Variants in PDE4DIP observed in about 807,000 individuals in gnomAD.
PDE4DIP encodes myomegalin.
PDE4DIP carries 59 observed loss-of-function variants against 221.4 expected under a neutral mutation model. That is an observed-to-expected ratio of 0.27 (90% CI 0.22 to 0.33). PDE4DIP has a LOEUF of 0.33. Among genes scored for constraint, PDE4DIP ranks in the 10% least tolerant of loss-of-function variants. The pLI is 1.00. For synonymous variants in PDE4DIP, 404 were observed against 815.9 expected (o/e 0.50, Z 8.60); for missense variants, 1,036 against 2,154.2 (o/e 0.48, Z 10.28).
At chr1:148,927,149 T>A (rs2046897590) in intron 1 of PDE4DIP, among the ~76,000 whole-genome samples, 1 of 151,724 alleles carries the variant, frequency 6.6e-6, no homozygotes, top group Admixed American at 6.6e-5. Flanking sequence ...CTTATATTTT[T>A]ATTTGCTAAA....
At chr1:148,816,309 G>A (rs12058590) in intron 1 of PDE4DIP, among the ~76,000 whole-genome samples, 1 of 151,902 alleles carries the variant, frequency 6.6e-6, no homozygotes, top group African/African-American at 2.4e-5. Context: ...AAAAGAAGAG[G>A]GATTATTGCA....
At chr1:148,959,686 A>T (rs1553506448) in intron 5 of PDE4DIP, among the ~76,000 whole-genome samples, 1 of 152,140 alleles carries the variant, frequency 6.6e-6, no homozygotes, top group Non-Finnish European at 1.5e-5. Flanking sequence ...TCATTGTTCC[A>T]TATATAAATT....
chr1:148,963,431 A>G (rs1199223122), intron 9 of PDE4DIP, among the ~76,000 whole-genome samples: 6 of 152,120 alleles, frequency 3.9e-5, no homozygotes, highest in Non-Finnish European at 8.8e-5. Flanking sequence ...CTTATAGTTC[A>G]GTAAGAGAGA....
chr1:148,857,457 T>G, intron 1 of PDE4DIP, among the ~76,000 whole-genome samples: 1 of 20,702 alleles, frequency 4.8e-5, no homozygotes, highest in Non-Finnish European at 7.2e-5. Context: ...CAAGCTCCGC[T>G]TCCCGGGTTC....
Position 148,957,513 on chromosome 1 carries a change from TA to T in PDE4DIP, c.637-3140del, listed in dbSNP as rs1274505115. On this transcript the variant is annotated intron_variant, in intron 5 of 43. Coordinates refer to ENST00000369354, the Ensembl canonical transcript of PDE4DIP. Reference sequence around the variant, plus strand: ...TTAAAGTTGCTGTTCGAATATATGTTATATACAGTCTTATTTCTAAGAGAGC... The same window carrying T: ...TTAAAGTTGCTGTTCGAATATATGTTTATACAGTCTTATTTCTAAGAGAGC... Among the ~76,000 whole-genome samples, 51 of 151,652 alleles carry T rather than the reference TA, an allele frequency of 3.4e-4. No homozygotes were observed. The South Asian group carries it at 5.7e-3, about 17-fold the overall frequency.
At chr1:149,020,317 C>T in exon 36 of PDE4DIP, 1 of 505,454 alleles carries the variant, frequency 2.0e-6, no homozygotes, top group Non-Finnish European at 3.4e-6. Context: ...ACGTCTTTCC[C>T]TCCAGGAAAA....
Position 148,953,966 on chromosome 1 carries a change from T to A in PDE4DIP, c.637-6688T>A. 2.7e-6 allele frequency: 3 copies of A among 1,095,184 alleles called. No homozygotes were observed. In the Admixed American group the frequency reaches 6.6e-5, roughly 24 times the overall value. The allele number at this position is 1,095,184 out of a possible 1,614,324, so 67.8% of individuals were successfully genotyped here. A position where few individuals can be genotyped will look rare whatever the true frequency, so the allele number is the denominator to read the frequency against. The stretch of plus-strand genomic sequence containing the variant: ...TAGCTAGCTGGCCTCTGGCTTCACG[T>A]GATTTCGGTCTAGGTGGAGGTTAGA... On this transcript the variant is annotated intron_variant, in intron 5 of 43. Transcript: ENST00000369354.
chr1:148,981,397 G>C, exon 21 of PDE4DIP: 12 of 1,614,016 alleles, frequency 7.4e-6, no homozygotes, highest in Non-Finnish European at 8.5e-6. Flanking sequence ...CGCCATTGGA[G>C]GTGGGGAACT....
chr1:148,867,670 G>T (rs1687427241), intron 2 of PDE4DIP, among the ~76,000 whole-genome samples: 1 of 135,432 alleles, frequency 7.4e-6, no homozygotes, highest in Non-Finnish European at 1.6e-5. Context: ...CCAACAGTCA[G>T]TTTTTATAAG....
At chr1:148,954,018 C>T (rs1162535885) in intron 5 of PDE4DIP, 11 of 698,352 alleles carry the variant, frequency 1.6e-5, no homozygotes, top group Non-Finnish European at 2.5e-5. Flanking sequence ...GAAAATTAGT[C>T]ATGACCCCAT....
Position 148,966,673 on chromosome 1 carries a change from C to T in PDE4DIP, c.1467+17C>T, listed in dbSNP as rs782719656. ...GCTCTGGAGGTATGTATCATCATTT[C>T]GCCCACTATGCTATGGATTATTCTA... is the stretch of plus-strand genomic sequence containing the variant. On this transcript the variant is annotated intron_variant, in intron 11 of 43. Coordinates refer to ENST00000369354, the Ensembl canonical transcript of PDE4DIP. 9 of 1,086,542 alleles carry T rather than the reference C, an allele frequency of 8.3e-6. No individual in the cohort carries two copies. Among genetic ancestry groups the T allele is most frequent in the East Asian group, 2.4e-5 (1 of 42,528 alleles). 67.3% of individuals were successfully genotyped at this position (1,086,542 alleles called of 1,614,324 possible).
intron 21 of PDE4DIP, chr1:148,982,321 CATT>C (rs1415919052): frequency 6.6e-6 from 1 of 152,152 alleles, no homozygotes; most frequent in Non-Finnish European, 1.5e-5. Context: ...CCAAATAACT[CATT>C]ATAGCCAGAA....
chr1:148,954,586 A>C (rs1456824545), intron 5 of PDE4DIP, among the ~76,000 whole-genome samples: 7 of 152,202 alleles, frequency 4.6e-5, no homozygotes, highest in Non-Finnish European at 8.8e-5. Context: ...TCACAGCCAG[A>C]ACTCTACTGA....
chr1:148,937,947 T>C (rs1553476453), intron 5 of PDE4DIP, 83 bp downstream of exon 8: 3 of 587,716 alleles, frequency 5.1e-6, no homozygotes, highest in Non-Finnish European at 9.1e-6. Flanking sequence ...GTATTTGTTA[T>C]CTATTGTTGT....
chr1:148,936,676 A>C (rs1460203164), intron 4 of PDE4DIP, among the ~76,000 whole-genome samples: 1 of 152,100 alleles, frequency 6.6e-6, no homozygotes, highest in Non-Finnish European at 1.5e-5. Flanking sequence ...TTATATCCTT[A>C]TTCTAGAAAA....
At chr1:148,992,736 T>C (rs1334757223) in intron 22 of PDE4DIP, 1 of 856,106 alleles carries the variant, frequency 1.2e-6, no homozygotes, top group Admixed American at 5.1e-5. Context: ...ATCTCCTAAA[T>C]GGACTGTGCC....
At chr1:148,963,635 G>T (rs1375140652) in intron 9 of PDE4DIP, among the ~76,000 whole-genome samples, 2 of 151,178 alleles carry the variant, frequency 1.3e-5, no homozygotes, top group Non-Finnish European at 2.9e-5. Context: ...TAAGGTCAGA[G>T]GAATGACATG....
At chr1:148,937,083 G>A (rs1408568169) in intron 4 of PDE4DIP, among the ~76,000 whole-genome samples, 3 of 152,190 alleles carry the variant, frequency 2.0e-5, no homozygotes, top group African/African-American at 4.8e-5. Flanking sequence ...AGTGCAGTAG[G>A]TTTGCTTTAC....
intron 21 of PDE4DIP, chr1:148,990,458 G>A (rs1351441464): frequency 2.3e-6 from 1 of 426,188 alleles, no homozygotes; most frequent in East Asian, 1.6e-4. Flanking sequence ...ATGCCTGGAT[G>A]TCTGAACTCA....
Sources: gnomAD v4.1 joint callset for allele counts (sites outside exome capture counted in the v4.1 genomes callset) on GRCh38, gnomAD v4.1.1 for gene constraint, MANE v1.5 for transcripts, NCBI Gene and HGNC (gene_info 2026-07-23, HGNC 2026-07-21) for gene names.